The following TAFA2 variants were observed in gnomAD, a reference collection of about 807,000 sequenced individuals.
TAFA2 encodes TAFA chemokine like family member 2, also known as chemokine-like protein TAFA-2.
Under a neutral mutation model 18.8 loss-of-function variants are expected in TAFA2, and 7 were observed. The observed-to-expected ratio is 0.37, with a 90% CI of 0.21 to 0.70. The LOEUF (loss-of-function observed/expected upper bound fraction) is 0.70. Ranked by LOEUF, TAFA2 falls within the 30% of genes least tolerant of loss-of-function variation. The pLI is 0.53. For synonymous variants in TAFA2, 60 were observed against 54.2 expected (o/e 1.11, Z -0.47); for missense variants, 122 against 158.1 (o/e 0.77, Z 1.23).
chr12:61,947,646 A>G (rs1343984731), intron 1 of TAFA2, among the ~76,000 whole-genome samples: 1 of 152,082 alleles, frequency 6.6e-6, no homozygotes, highest in Non-Finnish European at 1.5e-5. Flanking sequence ...TTTTCTACCC[A>G]TCCTTTCAAA....
chr12:62,157,454 A>C (rs188191661), intron 1 of TAFA2, among the ~76,000 whole-genome samples: 4 of 152,202 alleles, frequency 2.6e-5, no homozygotes, highest in African/African-American at 9.7e-5. Context: ...CAGAGTAGTC[A>C]GGAATCTTAA....
intron 1 of TAFA2, among the ~76,000 whole-genome samples, chr12:62,154,779 C>A (rs1190897178): frequency 1.3e-5 from 2 of 152,142 alleles, no homozygotes; most frequent in Non-Finnish European, 2.9e-5. Context: ...CACAAACACA[C>A]ACATTGCTGA....
chr12:62,128,757 G>C (rs1486977024), intron 1 of TAFA2, among the ~76,000 whole-genome samples: 5 of 151,966 alleles, frequency 3.3e-5, no homozygotes, highest in African/African-American at 9.7e-5. Flanking sequence ...AATCATTGTT[G>C]CATAAAGCCA....
intron 1 of TAFA2, among the ~76,000 whole-genome samples, chr12:62,249,938 G>A (rs1447618592): frequency 2.0e-5 from 3 of 152,104 alleles, no homozygotes; most frequent in Non-Finnish European, 1.5e-5. Flanking sequence ...ACTTTTTTGG[G>A]GGGCCTAAAA....
intron 1 of TAFA2, among the ~76,000 whole-genome samples, chr12:62,174,642 A>G (rs1201818778): frequency 6.6e-6 from 1 of 152,154 alleles, no homozygotes; most frequent in Non-Finnish European, 1.5e-5. Flanking sequence ...GGGTCCATCT[A>G]AAATTTGAAT....
chr12:61,949,025 G>A (rs1408646175), intron 1 of TAFA2, among the ~76,000 whole-genome samples: 3 of 152,184 alleles, frequency 2.0e-5, no homozygotes, highest in African/African-American at 4.8e-5. Flanking sequence ...CAACTTGACA[G>A]GGCCATGGGG....
At chr12:62,004,566 A>T (rs1396515915) in intron 1 of TAFA2, among the ~76,000 whole-genome samples, 1 of 152,140 alleles carries the variant, frequency 6.6e-6, no homozygotes, top group Non-Finnish European at 1.5e-5. Flanking sequence ...GAGAGGGAAA[A>T]AAATGAATGT....
chr12:61,930,617 G>A (rs559371517), intron 1 of TAFA2, among the ~76,000 whole-genome samples: 94 of 152,258 alleles, frequency 6.2e-4, no homozygotes, highest in African/African-American at 2.1e-3. Flanking sequence ...TAATCATCAC[G>A]CTCTATACTG....
At chr12:61,732,734 TG>T (rs769709799) in intron 4 of TAFA2, among the ~76,000 whole-genome samples, 74 of 104,246 alleles carry the variant, frequency 7.1e-4, no homozygotes, top group East Asian at 2.7e-3. Context: ...AGTGATTTTT[TG>T]TGTGTGTGTG....
intron 1 of TAFA2, among the ~76,000 whole-genome samples, chr12:62,169,893 G>A (rs547202763): frequency 4.0e-5 from 6 of 150,710 alleles, no homozygotes; most frequent in African/African-American, 1.5e-4. Flanking sequence ...ATAAATAGCA[G>A]GTCTTCTTTA....
intron 2 of TAFA2, among the ~76,000 whole-genome samples, chr12:61,785,319 T>TGTGTGTG (rs1870683163): frequency 2.9e-5 from 4 of 140,192 alleles, no homozygotes; most frequent in South Asian, 2.3e-4. Context: ...AATAGTATTC[T>TGTGTGTG]TGTGTGTGTG....
chr12:62,099,709 G>A (rs1869105121), intron 1 of TAFA2, among the ~76,000 whole-genome samples: 1 of 152,102 alleles, frequency 6.6e-6, no homozygotes. Context: ...AATATGCCAG[G>A]CCCTTGCTGG....
chr12:62,232,866 T>C (rs2062817889), intron 1 of TAFA2, among the ~76,000 whole-genome samples: 1 of 152,040 alleles, frequency 6.6e-6, no homozygotes, highest in Non-Finnish European at 1.5e-5. Context: ...AGGAAAGACT[T>C]AGCCACTGCC....
intron 1 of TAFA2, among the ~76,000 whole-genome samples, chr12:62,083,537 T>C (rs1251350056): frequency 1.3e-5 from 2 of 152,110 alleles, no homozygotes; most frequent in Admixed American, 1.3e-4. Flanking sequence ...TAAAACAAAA[T>C]AAGGGTGGGT....
chr12:61,965,045 G>A (rs1879021614), intron 1 of TAFA2, among the ~76,000 whole-genome samples: 1 of 151,778 alleles, frequency 6.6e-6, no homozygotes, highest in Non-Finnish European at 1.5e-5. Context: ...ACGTTCAAAG[G>A]TCAATTATCA....
chr12:61,942,452 A>C (rs1359693441), intron 1 of TAFA2, among the ~76,000 whole-genome samples: 1 of 150,822 alleles, frequency 6.6e-6, no homozygotes, highest in Non-Finnish European at 1.5e-5. Context: ...AGCTGGATGG[A>C]GAATGATTTT....
chr12:62,039,913 C>T (rs1323381228), intron 1 of TAFA2, among the ~76,000 whole-genome samples: 2 of 152,148 alleles, frequency 1.3e-5, no homozygotes, highest in Non-Finnish European at 2.9e-5. Flanking sequence ...CCAAAAATCT[C>T]CTAGGTGATG....
chr12:62,226,195 T>C (rs912204695), intron 1 of TAFA2, among the ~76,000 whole-genome samples: 3 of 70,328 alleles, frequency 4.3e-5, no homozygotes, highest in Non-Finnish European at 8.7e-5. Flanking sequence ...TTGATTACTC[T>C]TTTTTTTTTT....
chr12:61,935,832 A>G (rs1228568961), intron 1 of TAFA2, among the ~76,000 whole-genome samples: 1 of 152,096 alleles, frequency 6.6e-6, no homozygotes, highest in Non-Finnish European at 1.5e-5. Flanking sequence ...GCCAATAGTA[A>G]GTTCTGAAAT....
Sources: gnomAD v4.1 joint callset for allele counts (sites outside exome capture counted in the v4.1 genomes callset) on GRCh38, gnomAD v4.1.1 for gene constraint, MANE v1.5 for transcripts, NCBI Gene and HGNC (gene_info 2026-07-23, HGNC 2026-07-21) for gene names.